MAP6D1: variants seen among roughly 807,000 people sequenced by gnomAD.
MAP6D1 encodes the protein MAP6 domain-containing protein 1.
A neutral mutation model predicts 17.4 loss-of-function variants in MAP6D1; 13 were observed. The observed-to-expected ratio is 0.75, with a 90% CI of 0.49 to 1.19. MAP6D1 has a LOEUF of 1.19. MAP6D1 is among the 50% of genes most tolerant of loss of function. MAP6D1 has a pLI of 0.00. For missense variants in MAP6D1, 313 were observed against 312.6 expected (o/e 1.00, Z -0.01); for synonymous variants, 141 against 145.7 (o/e 0.97, Z 0.23).
chr3:183,821,577 G>T (rs148521784), intron 1 of MAP6D1, among the ~76,000 whole-genome samples: 1,309 of 124,694 alleles, frequency 0.01, 22 homozygotes, highest in African/African-American at 0.039. Context: ...ATGGAGTCTC[G>T]CTCTATTGCC....
In MAP6D1 at chr3:183,817,021, A is replaced by G. The variant is rs1727126466; in HGVS notation, c.*335T>C. On this transcript the variant is annotated 3_prime_UTR_variant, in exon 3 of 3. Coordinates refer to ENST00000318631, the MANE Select transcript of MAP6D1 (RefSeq NM_024871.4). ...TCTTTCAAGGGCCGGATGTGTCCAC[A>G]TTCCTCAGCTTCCATGGACCAATTC... The G allele has an allele frequency of 3.0e-6, 1 of 337,862 alleles. No individual in the cohort carries two copies. Among genetic ancestry groups the G allele is most frequent in the East Asian group, 7.7e-5 (1 of 12,922 alleles). The allele number at this position is 337,862 out of a possible 1,614,324, so 20.9% of individuals were successfully genotyped here. A position where few individuals can be genotyped will look rare whatever the true frequency, so the allele number is the denominator to read the frequency against.
chr3:183,818,631 A>G (rs1437069130), intron 1 of MAP6D1, among the ~76,000 whole-genome samples: 1 of 152,256 alleles, frequency 6.6e-6, no homozygotes, highest in African/African-American at 2.4e-5. Flanking sequence ...AGCACCGGGC[A>G]CAGCCCTGGC....
intron 2 of MAP6D1, among the ~76,000 whole-genome samples, 188 bp from the exon 3 acceptor site, chr3:183,817,624 C>T (rs754727890): frequency 5.9e-5 from 9 of 152,140 alleles, no homozygotes; most frequent in Non-Finnish European, 1.0e-4. Context: ...CTGAGTGGTA[C>T]ACGGACCTTC....
rs1408851698 is a variant in MAP6D1 at position 183,817,403 on chromosome 3, G to C, written c.553C>G (p.Pro185Ala). The part of the protein sequence containing the change: ...PEVRKKFTPN[P>A]SAIFQASAPR... ...GCTGAGGCCTGAAAGATGGCGGAGG[G>C]GTTAGGAGTGAACTTCTTCCTCACC... is the stretch of plus-strand genomic sequence containing the variant. The change falls in exon 3 of 3, where the codon CCC (proline) becomes GCC (alanine). Residue 185 changes from proline to alanine, a missense_variant. Pro to Ala is a conservative substitution (Grantham distance 27, BLOSUM62 -1). Coordinates refer to ENST00000318631, the MANE Select transcript of MAP6D1 (RefSeq NM_024871.4). 6.4e-7 allele frequency: 1 copy of C among 1,569,912 alleles called. No individual in the cohort carries two copies. Among genetic ancestry groups the C allele is most frequent in the Admixed American group, 1.9e-5 (1 of 52,910 alleles).
At chr3:183,818,692 G>A (rs1306308484) in intron 1 of MAP6D1, among the ~76,000 whole-genome samples, 4 of 152,238 alleles carry the variant, frequency 2.6e-5, no homozygotes, top group African/African-American at 9.6e-5. Context: ...AGAACTTTTA[G>A]TTTTTTATAC....
At chr3:183,822,232 A>G (rs1332669327) in intron 1 of MAP6D1, among the ~76,000 whole-genome samples, 1 of 140,822 alleles carries the variant, frequency 7.1e-6, no homozygotes, top group Non-Finnish European at 1.5e-5. Context: ...CATAAACCCC[A>G]TCTCTAAAAC....
In MAP6D1 at chr3:183,825,435, C is replaced by G; in HGVS notation, c.113G>C (p.Ser38Thr). 6.9e-7 allele frequency: 1 copy of G among 1,439,782 alleles called. No homozygotes were observed. The highest frequency in any genetic ancestry group is 1.4e-5 in the South Asian group (1 of 72,718). The allele number at this position is 1,439,782 out of a possible 1,614,324, so 89.2% of individuals were successfully genotyped here. Residue 38 changes from serine (S) to threonine (T), a missense_variant, in exon 1 of 3, where the codon AGC (serine) becomes ACC (threonine). Coordinates refer to ENST00000318631, the MANE Select transcript of MAP6D1 (RefSeq NM_024871.4). ...GGCGCCGCCCGTGCCCGGCTCCTCG[C>G]TGTCGAGGTCCGAGTAGCCGTGCAG... ...LTLHGYSDLD[S>T]EEPGTGGAAS...
chr3:183,818,157 C>A, intron 1 of MAP6D1, 46 bp from the exon 2 acceptor site: 1 of 1,506,152 alleles, frequency 6.6e-7, no homozygotes, highest in Non-Finnish European at 9.2e-7. Flanking sequence ...GTCAGCCACC[C>A]CTTTACCGAC....
In MAP6D1 at chr3:183,816,442, T is replaced by C. The variant is rs1727104607; in HGVS notation, c.*914A>G. The C allele has an allele frequency of 6.6e-6, 1 of 152,212 alleles. No homozygotes were observed. Among genetic ancestry groups the C allele is most frequent in the Admixed American group, 6.5e-5 (1 of 15,276 alleles). 9.4% of individuals were successfully genotyped at this position (152,212 alleles called of 1,614,324 possible). A position where few individuals can be genotyped will look rare whatever the true frequency, so the allele number is the denominator to read the frequency against. The stretch of plus-strand genomic sequence containing the variant: ...GCTGGCTGGAATTTACGGAGGAAGT[T>C]AGGAGAGAGCTTTGCAAAGAAAATG... On this transcript the variant is annotated 3_prime_UTR_variant, in exon 3 of 3. Coordinates refer to ENST00000318631, the MANE Select transcript of MAP6D1 (RefSeq NM_024871.4).
At chr3:183,823,324 G>A (rs1238662345) in intron 1 of MAP6D1, among the ~76,000 whole-genome samples, 2 of 151,860 alleles carry the variant, frequency 1.3e-5, no homozygotes, top group South Asian at 2.1e-4. Context: ...TCCCTCATCC[G>A]GGCATGGTGG....
At chr3:183,817,562 G>A (rs1560354333) in intron 2 of MAP6D1, 126 bp from the exon 3 acceptor site, 3 of 809,238 alleles carry the variant, frequency 3.7e-6, no homozygotes, top group Admixed American at 2.6e-5. Flanking sequence ...GAGACCTGAA[G>A]GGTCAGAGGG....
rs546070915 is a variant in MAP6D1, at chr3:183,822,878, G to T, written c.401+2269C>A. ...GCAGGGCAAGGGGTGGAGCTTGCAG[G>T]GAGACAGCTTCAGCTCCGGGAAGGA... On this transcript the variant is annotated intron_variant, in intron 1 of 2. Coordinates refer to ENST00000318631, the MANE Select transcript of MAP6D1 (RefSeq NM_024871.4). Among the ~76,000 whole-genome samples the T allele has an allele frequency of 2.0e-5, 3 of 152,356 alleles. No homozygotes were observed. The East Asian group carries it at 5.8e-4, about 29-fold the overall frequency.
intron 2 of MAP6D1, among the ~76,000 whole-genome samples, 162 bp from the exon 3 acceptor site, chr3:183,817,598 G>A (rs1727148034): frequency 6.6e-6 from 1 of 152,096 alleles, no homozygotes; most frequent in Admixed American, 6.6e-5. Context: ...AGCCATAGGC[G>A]TCACTGCATT....
chr3:183,823,692 G>T (rs1369174112), intron 1 of MAP6D1, among the ~76,000 whole-genome samples: 1 of 152,184 alleles, frequency 6.6e-6, no homozygotes, highest in African/African-American at 2.4e-5. Context: ...GGGAGGCTGA[G>T]GCAGGAGAAT....
chr3:183,821,101 A>G (rs1008700245), intron 1 of MAP6D1, among the ~76,000 whole-genome samples: 25 of 151,276 alleles, frequency 1.7e-4, no homozygotes, highest in Middle Eastern at 3.4e-3. Flanking sequence ...CTCAAAAAAA[A>G]AAAAAAGAAA....
intron 1 of MAP6D1, among the ~76,000 whole-genome samples, chr3:183,823,678 A>G (rs1172833694): frequency 6.6e-6 from 1 of 152,126 alleles, no homozygotes; most frequent in Non-Finnish European, 1.5e-5. Context: ...AATCCCAGCT[A>G]CTCGGGAGGC....
chr3:183,818,832 G>C (rs986212249), intron 1 of MAP6D1, among the ~76,000 whole-genome samples: 2 of 152,196 alleles, frequency 1.3e-5, no homozygotes, highest in African/African-American at 4.8e-5. Flanking sequence ...TGAGCCTGTG[G>C]CGGGGAGGGT....
intron 1 of MAP6D1, among the ~76,000 whole-genome samples, chr3:183,822,480 A>G (rs1727284293): frequency 6.6e-6 from 1 of 152,196 alleles, no homozygotes; most frequent in Non-Finnish European, 1.5e-5. Context: ...ACCCAACTGT[A>G]TCAAGGCATT....
chr3:183,825,483 G>A lies in MAP6D1; in HGVS notation c.65C>T (p.Ser22Phe), dbSNP rs1402096381. Residue 22 changes from serine to phenylalanine, a missense_variant, in exon 1 of 3, where the codon TCC becomes TTC. Transcript: ENST00000318631. Reference protein sequence around the residue: ...LARRWNQLDRSDVAVPLTLHG... With the variant: ...LARRWNQLDRFDVAVPLTLHG... Reference sequence around the variant, plus strand: ...CAGAGTGAGCGGCACCGCCACGTCGGAGCGGTCCAGCTGGTTCCAGCGCCG... The same window carrying A: ...CAGAGTGAGCGGCACCGCCACGTCGAAGCGGTCCAGCTGGTTCCAGCGCCG... The A allele has an allele frequency of 8.4e-6, 12 of 1,428,148 alleles. No homozygotes were observed. Among genetic ancestry groups the A allele is most frequent in the Non-Finnish European group, 1.0e-5 (11 of 1,093,836 alleles). 88.5% of individuals were successfully genotyped at this position (1,428,148 alleles called of 1,614,324 possible). A position where few individuals can be genotyped will look rare whatever the true frequency, so the allele number is the denominator to read the frequency against.
Sources: allele counts gnomAD v4.1 joint callset (sites outside exome capture counted in the v4.1 genomes callset), GRCh38; gene constraint gnomAD v4.1.1; transcripts MANE v1.5; gene names NCBI Gene and HGNC (gene_info 2026-07-23, HGNC 2026-07-21).